Variants in STEAP4 observed in about 807,000 individuals in gnomAD.
STEAP4 encodes the protein metalloreductase STEAP4.
STEAP4 carries 36 observed loss-of-function variants against 43.6 expected under a neutral mutation model. That is an observed-to-expected ratio of 0.83 (90% CI 0.63 to 1.09). The LOEUF (loss-of-function observed/expected upper bound fraction) is 1.09, where lower values mean the gene tolerates loss of function less well. Among genes scored for constraint, STEAP4 ranks in the 50% least tolerant of loss-of-function variants. STEAP4 has a pLI of 0.00. For missense variants in STEAP4, 495 were observed against 546.5 expected, an observed-to-expected ratio of 0.91 and a Z score of 0.94; for synonymous variants, 191 against 196.7, an observed-to-expected ratio of 0.97 and a Z score of 0.24.
Position 88,271,303 on chromosome 7 carries a change from C to T in STEAP4, c.*8095G>A, listed in dbSNP as rs1198937074. The T allele has an allele frequency of 6.6e-6, 1 of 152,216 alleles. No individual in the cohort carries two copies. Among genetic ancestry groups the T allele is most frequent in the East Asian group, 1.9e-4 (1 of 5,200 alleles). The allele number at this position is 152,216 out of a possible 1,614,324, so 9.4% of individuals were successfully genotyped here. ...GTCTACAGTGCTTCTACTCCTGTCA[C>T]TACTCCTCTGTTCTCCCATCTTGTT... is the stretch of plus-strand genomic sequence containing the variant. On this transcript the variant is annotated 3_prime_UTR_variant, in exon 5 of 5. Coordinates refer to ENST00000380079, the MANE Select transcript of STEAP4 (RefSeq NM_024636.4).
At position 88,280,236 on chromosome 7, in the gene STEAP4, A is replaced by T. The variant is rs147648862; in HGVS notation, c.1150-608T>A. 2.0e-3 allele frequency among the ~76,000 whole-genome samples: 308 copies of T among 152,352 alleles called. 1 individual carries two copies. Among genetic ancestry groups the T allele is most frequent in the African/African-American group, 7.2e-3 (298 of 41,588 alleles). On this transcript the variant is annotated intron_variant, in intron 4 of 4. Transcript: ENST00000380079. Reference sequence around the variant, plus strand: ...TCTATAAAATTCTAACCTAATTTTAAAGACTAATGCTCTTTTCTATTATAC... The same window carrying T: ...TCTATAAAATTCTAACCTAATTTTATAGACTAATGCTCTTTTCTATTATAC...
intron 1 of STEAP4, among the ~76,000 whole-genome samples, chr7:88,300,928 C>T (rs1199644919): frequency 6.6e-6 from 1 of 152,158 alleles, no homozygotes; most frequent in African/African-American, 2.4e-5. Context: ...ACAAAGGTTC[C>T]AGACCCTCTC....
At chr7:88,295,278 A>G (rs1852906517) in intron 1 of STEAP4, among the ~76,000 whole-genome samples, 2 of 152,164 alleles carry the variant, frequency 1.3e-5, no homozygotes, top group Non-Finnish European at 2.9e-5. Context: ...CCTGTCTTTA[A>G]TCATTGAAGC....
chr7:88,271,278 G>A lies in STEAP4; in HGVS notation c.*8120C>T, dbSNP rs1034737446. 5 of 152,020 alleles carry A rather than the reference G, an allele frequency of 3.3e-5. No individual in the cohort carries two copies. The highest frequency in any genetic ancestry group is 1.2e-4 in the African/African-American group (5 of 41,384). 9.4% of individuals were successfully genotyped at this position (152,020 alleles called of 1,614,324 possible). On this transcript the variant is annotated 3_prime_UTR_variant, in exon 5 of 5. Transcript: ENST00000380079. ...TTAAAAACCAAAATGATATGAAAAG[G>A]TCTACAGTGCTTCTACTCCTGTCAC...
In STEAP4 at chr7:88,283,949, G is replaced by T. The variant is rs757902134; in HGVS notation, c.321C>A (p.Asn107Lys). Residue 107 changes from asparagine to lysine, a missense_variant, in exon 2 of 5, where the codon AAC becomes AAA. Transcript: ENST00000380079. ...ATTCTGGATATTGATTGATTTTGAG[G>T]TTGTTGCTGATGTCTACCAATATTT... Reference protein sequence around the residue: ...NGKILVDISNNLKINQYPESN... With the variant: ...NGKILVDISNKLKINQYPESN... 6.2e-7 allele frequency: 1 copy of T among 1,614,048 alleles called. No individual in the cohort carries two copies. Among genetic ancestry groups the T allele is most frequent in the East Asian group, 2.2e-5 (1 of 44,876 alleles).
intron 1 of STEAP4, among the ~76,000 whole-genome samples, chr7:88,286,764 A>AACACACACACACAAAC (rs149776551): frequency 7.5e-6 from 1 of 133,768 alleles, no homozygotes; most frequent in Non-Finnish European, 1.6e-5. Flanking sequence ...CATACATATA[A>AACACACACACACAAAC]ACACACACAC....
intron 1 of STEAP4, chr7:88,290,887 C>T (rs1852823105): frequency 6.6e-6 from 1 of 152,086 alleles, no homozygotes; most frequent in African/African-American, 2.4e-5. Flanking sequence ...TTTTTCAAAC[C>T]TATTCTGTTG....
At position 88,279,521 on chromosome 7, in the gene STEAP4, G is replaced by A. The variant is rs370590446; in HGVS notation, c.1257C>T (p.Ala419=). Residue 419 remains alanine, a synonymous_variant, in exon 5 of 5, where the codon GCC becomes GCT. Transcript: ENST00000380079. The stretch of plus-strand genomic sequence containing the variant: ...AAGGAATGATAAGCCCTAACACGTA[G>A]GCTGCAGGAAGATACCATCTGAGAT... ...PSNLRWYLPA[A]YVLGLIIPCT... is the part of the protein sequence containing the mutation. 116 of 1,614,018 alleles carry A rather than the reference G, an allele frequency of 7.2e-5. No homozygotes were observed. The highest frequency in any genetic ancestry group is 7.8e-5 in the Non-Finnish European group (92 of 1,180,030).
At chr7:88,285,914 G>T (rs1333875062) in intron 1 of STEAP4, among the ~76,000 whole-genome samples, 1 of 152,226 alleles carries the variant, frequency 6.6e-6, no homozygotes, top group Non-Finnish European at 1.5e-5. Context: ...AGCTAATGTT[G>T]TAATGACCCA....
rs1216740402 is a variant in STEAP4, at chr7:88,277,754, G to T, written c.*1644C>A. The T allele has an allele frequency of 6.6e-6, 1 of 152,180 alleles. No individual in the cohort carries two copies. The highest frequency in any genetic ancestry group is 1.5e-5 in the Non-Finnish European group (1 of 68,082). The allele number at this position is 152,180 out of a possible 1,614,324, so 9.4% of individuals were successfully genotyped here. A position where few individuals can be genotyped will look rare whatever the true frequency, so the allele number is the denominator to read the frequency against. ...ACATGCCTGTAGTCCCAGCTACTCG[G>T]GAGGCTGATGAACAAGAATCACTTG... is the stretch of plus-strand genomic sequence containing the variant. On this transcript the variant is annotated 3_prime_UTR_variant, in exon 5 of 5. Coordinates refer to ENST00000380079, the MANE Select transcript of STEAP4 (RefSeq NM_024636.4).
rs905631046 is a variant in STEAP4, at chr7:88,283,850, C to T, written c.420G>A (p.Trp140Ter). 1.2e-6 allele frequency: 2 copies of T among 1,613,852 alleles called. No individual in the cohort carries two copies. Among genetic ancestry groups the T allele is most frequent in the Non-Finnish European group, 8.5e-7 (1 of 1,179,966 alleles). Reference protein sequence around the residue: ...VVKAFNTISAWALQSGALDAS... With the variant: ...VVKAFNTISA Reference sequence around the variant, plus strand: ...CATCCAGTGCTCCTGACTGGAGAGCCCAGGCTGAGATGGTGTTAAATGCTT... The same window carrying T: ...CATCCAGTGCTCCTGACTGGAGAGCTCAGGCTGAGATGGTGTTAAATGCTT... Residue 140 changes from tryptophan to a stop codon, truncating the protein, a stop_gained, in exon 2 of 5, where the codon TGG becomes TGA. Coordinates refer to ENST00000380079, the MANE Select transcript of STEAP4 (RefSeq NM_024636.4). LOFTEE classifies it high-confidence loss of function.
At position 88,272,920 on chromosome 7, in the gene STEAP4, G is replaced by C. The variant is rs1003578987; in HGVS notation, c.*6478C>G. On this transcript the variant is annotated 3_prime_UTR_variant, in exon 5 of 5. Transcript: ENST00000380079. The stretch of plus-strand genomic sequence containing the variant: ...ATGAGAAGAGTTAAGCCTGTAGAAG[G>C]CTAGCTATAACAGACTCTATAGAAA... 20 of 152,156 alleles carry C rather than the reference G, an allele frequency of 1.3e-4. No homozygotes were observed. The highest frequency in any genetic ancestry group is 4.6e-4 in the African/African-American group (19 of 41,440). 9.4% of individuals were successfully genotyped at this position (152,156 alleles called of 1,614,324 possible).
At chr7:88,292,628 T>C (rs1852853565) in intron 1 of STEAP4, 2 of 152,164 alleles carry the variant, frequency 1.3e-5, no homozygotes, top group South Asian at 4.1e-4. Flanking sequence ...CATGTCATTT[T>C]ATCTCATGTG....
intron 1 of STEAP4, chr7:88,293,100 G>A (rs748462377): frequency 6.6e-6 from 1 of 152,150 alleles, no homozygotes; most frequent in Middle Eastern, 3.2e-3. Flanking sequence ...TACTGACTTC[G>A]AATGTGTACT....
intron 1 of STEAP4, among the ~76,000 whole-genome samples, chr7:88,297,371 A>G (rs1490827119): frequency 6.6e-6 from 1 of 152,190 alleles, no homozygotes; most frequent in Non-Finnish European, 1.5e-5. Flanking sequence ...AATTCAGAGC[A>G]GAGTGATGGA....
rs1007006820 is a variant in STEAP4, at chr7:88,295,298, G to A, written c.-2-11027C>T. Reference sequence around the variant, plus strand: ...CTTTAATCATTGAAGCAACTTCTTAGTTGCTTATGAAAATACAAATAACTC... The same window carrying A: ...CTTTAATCATTGAAGCAACTTCTTAATTGCTTATGAAAATACAAATAACTC... On this transcript the variant is annotated intron_variant, in intron 1 of 4. Coordinates refer to ENST00000380079, the MANE Select transcript of STEAP4 (RefSeq NM_024636.4). Among the ~76,000 whole-genome samples, 9 of 152,128 alleles carry A rather than the reference G, an allele frequency of 5.9e-5. No individual in the cohort carries two copies. The East Asian group carries it at 1.3e-3, about 23-fold the overall frequency.
chr7:88,290,061 G>A (rs1201622211), intron 1 of STEAP4, among the ~76,000 whole-genome samples: 1 of 152,124 alleles, frequency 6.6e-6, no homozygotes, highest in South Asian at 2.1e-4. Context: ...CATACTGGAT[G>A]AACATTTGCA....
In STEAP4 at chr7:88,272,579, G is replaced by A. The variant is rs1257657508; in HGVS notation, c.*6819C>T. On this transcript the variant is annotated 3_prime_UTR_variant, in exon 5 of 5. Coordinates refer to ENST00000380079, the MANE Select transcript of STEAP4 (RefSeq NM_024636.4). ...CTTGTGAGCTGTTTTTTACCAGTCT[G>A]TGATAAATTCAGAAATTGGGGTGAA... 2 of 152,148 alleles carry A rather than the reference G, an allele frequency of 1.3e-5. No individual in the cohort carries two copies. The highest frequency in any genetic ancestry group is 1.5e-5 in the Non-Finnish European group (1 of 68,036). 9.4% of individuals were successfully genotyped at this position (152,148 alleles called of 1,614,324 possible).
At chr7:88,283,526 C>T in intron 2 of STEAP4, 1 of 499,910 alleles carries the variant, frequency 2.0e-6, no homozygotes. Flanking sequence ...GTAATGGAAG[C>T]AGAAAAGGAT....
Sources: gnomAD v4.1 joint callset for allele counts (sites outside exome capture counted in the v4.1 genomes callset) on GRCh38, gnomAD v4.1.1 for gene constraint, MANE v1.5 for transcripts, NCBI Gene and HGNC (gene_info 2026-07-23, HGNC 2026-07-21) for gene names.